Variants in SEZ6L observed in about 807,000 individuals in gnomAD.
The protein encoded by SEZ6L is seizure 6-like protein.
Under a neutral mutation model 106.2 loss-of-function variants are expected in SEZ6L, and 37 were observed. The observed-to-expected ratio is 0.35, with a 90% CI of 0.27 to 0.46. SEZ6L has a LOEUF of 0.46. SEZ6L is among the 20% of genes least tolerant of loss of function. The pLI is 1.00. For synonymous variants in SEZ6L, 541 were observed against 570.4 expected (o/e 0.95, Z 0.73); for missense variants, 1,172 against 1,332.8 (o/e 0.88, Z 1.88).
At chr22:26,348,658 G>GAAAGAA in intron 11 of SEZ6L, among the ~76,000 whole-genome samples, 1 of 42,882 alleles carries the variant, frequency 2.3e-5, no homozygotes, top group South Asian at 8.8e-4. Flanking sequence ...AAGAAAGAAA[G>GAAAGAA]AAAGAAAGAA....
intron 1 of SEZ6L, among the ~76,000 whole-genome samples, chr22:26,218,857 G>C (rs945418369): frequency 7.2e-5 from 11 of 152,070 alleles, no homozygotes; most frequent in African/African-American, 2.4e-4. Flanking sequence ...GAAATCGCTT[G>C]AACCCAGGAG....
At chr22:26,342,759 A>G (rs1341772304) in intron 10 of SEZ6L, among the ~76,000 whole-genome samples, 1 of 152,202 alleles carries the variant, frequency 6.6e-6, no homozygotes, top group Non-Finnish European at 1.5e-5. Context: ...AGTAATTATG[A>G]TTTTTGGAGT....
Position 26,347,721 on chromosome 22 carries a change from G to T in SEZ6L, c.2215G>T (p.Val739Leu). 6.2e-7 allele frequency: 1 copy of T among 1,600,298 alleles called. No individual in the cohort carries two copies. The highest frequency in any genetic ancestry group is 1.1e-5 in the South Asian group (1 of 88,620). ...GQGFIMNYIE[V>L]SRNDSCSDLP... Reference sequence around the variant, plus strand: ...AGACTGACGTTTCTCTTTTAAAGAGGTATCAAGGAATGACTCCTGCTCGGA... The same window carrying T: ...AGACTGACGTTTCTCTTTTAAAGAGTTATCAAGGAATGACTCCTGCTCGGA... Residue 739 changes from valine (V) to leucine (L), a missense_variant and splice_region_variant, in exon 11 of 17, where the codon GTA becomes TTA. Transcript: ENST00000248933.
intron 1 of SEZ6L, among the ~76,000 whole-genome samples, chr22:26,204,161 T>C (rs921794546): frequency 1.3e-5 from 2 of 152,248 alleles, no homozygotes; most frequent in Admixed American, 6.5e-5. Flanking sequence ...ATACTGCCAT[T>C]CAATACATAG....
chr22:26,323,050 A>G (rs1404598511), intron 9 of SEZ6L, among the ~76,000 whole-genome samples: 1 of 152,240 alleles, frequency 6.6e-6, no homozygotes, highest in Non-Finnish European at 1.5e-5. Flanking sequence ...GTGGGCAGGT[A>G]ACTTAGCAAG....
intron 9 of SEZ6L, among the ~76,000 whole-genome samples, chr22:26,332,734 C>T (rs147357796): frequency 6.6e-6 from 1 of 152,338 alleles, no homozygotes; most frequent in Non-Finnish European, 1.5e-5. Context: ...AAGCATGAAC[C>T]ATCATGCCCA....
intron 1 of SEZ6L, among the ~76,000 whole-genome samples, chr22:26,275,223 AAG>A (rs1351626875): frequency 6.6e-6 from 1 of 152,178 alleles, no homozygotes; most frequent in Admixed American, 6.5e-5. Flanking sequence ...AACGTTGCAA[AAG>A]AGATACGTAT....
rs368550565 is a variant in SEZ6L, at chr22:26,294,195, T to C, written c.836-97T>C. 3.6e-5 allele frequency: 43 copies of C among 1,198,322 alleles called. 2 individuals are homozygous for C. The highest frequency in any genetic ancestry group is 3.5e-4 in the African/African-American group (23 of 66,332). The allele number at this position is 1,198,322 out of a possible 1,614,324, so 74.2% of individuals were successfully genotyped here. ...AGAAGGACAGATGGGAACAGCAAAA[T>C]GCAGGTTCCCCTAAAGCCCCCATTC... On this transcript the variant is annotated intron_variant, in intron 2 of 16. Transcript: ENST00000248933.
chr22:26,195,739 A>G (rs958135786), intron 1 of SEZ6L, among the ~76,000 whole-genome samples: 2 of 151,618 alleles, frequency 1.3e-5, no homozygotes, highest in South Asian at 2.1e-4. Flanking sequence ...ATGTGTATGT[A>G]TGTGTGTGTG....
chr22:26,187,313 T>G (rs541953364), intron 1 of SEZ6L, among the ~76,000 whole-genome samples: 1 of 152,288 alleles, frequency 6.6e-6, no homozygotes, highest in East Asian at 1.9e-4. Context: ...GAGAACAGCA[T>G]GGGGGAACCA....
intron 1 of SEZ6L, among the ~76,000 whole-genome samples, chr22:26,205,078 A>AT (rs1231694250): frequency 3.1e-4 from 47 of 152,150 alleles, no homozygotes; most frequent in Admixed American, 3.1e-3. Flanking sequence ...ATTCCTTTCC[A>AT]TTGGTATAAC....
chr22:26,245,413 C>A (rs546895590), intron 1 of SEZ6L, among the ~76,000 whole-genome samples: 2 of 152,218 alleles, frequency 1.3e-5, no homozygotes, highest in Admixed American at 6.5e-5. Flanking sequence ...TCCCTTGAAC[C>A]TGTTCTGCAG....
chr22:26,322,268 G>T (rs139140679), intron 9 of SEZ6L, among the ~76,000 whole-genome samples: 2 of 152,276 alleles, frequency 1.3e-5, no homozygotes, highest in African/African-American at 4.8e-5. Context: ...GAGAGGTTAC[G>T]TGGTTTCCTC....
At chr22:26,316,199 A>C (rs925778486) in intron 9 of SEZ6L, among the ~76,000 whole-genome samples, 1 of 152,156 alleles carries the variant, frequency 6.6e-6, no homozygotes, top group Non-Finnish European at 1.5e-5. Flanking sequence ...ACCAAGCACA[A>C]TTTTATGTGC....
At chr22:26,175,785 G>A (rs943624802) in intron 1 of SEZ6L, among the ~76,000 whole-genome samples, 31 of 152,122 alleles carry the variant, frequency 2.0e-4, no homozygotes, top group Admixed American at 1.3e-3. Flanking sequence ...CTAAATTCAG[G>A]ACCTAACCTA....
At chr22:26,294,526 C>A in intron 3 of SEZ6L, 101 bp downstream of exon 3, 1 of 1,268,528 alleles carries the variant, frequency 7.9e-7, no homozygotes, top group Non-Finnish European at 1.1e-6. Flanking sequence ...TAGTTTGGTT[C>A]TGTCTTTGCC....
In SEZ6L at chr22:26,306,001, C is replaced by A. The variant is rs1392666013; in HGVS notation, c.1371C>A (p.His457Gln). The change falls in exon 6 of 17, where the codon CAC (histidine) becomes CAA (glutamine). Residue 457 changes from histidine (H) to glutamine (Q), a missense_variant. His to Gln is a conservative substitution (Grantham distance 24). Coordinates refer to ENST00000248933, the MANE Select transcript of SEZ6L (RefSeq NM_021115.5). Reference sequence around the variant, plus strand: ...CAGCTCCTTGTGGAGGGGCAGTGCACAATGCCACCATCGGCCGCGTCCTCT... The same window carrying A: ...CAGCTCCTTGTGGAGGGGCAGTGCAAAATGCCACCATCGGCCGCGTCCTCT... ...ICSAPCGGAV[H>Q]NATIGRVLSP... 2 of 1,613,176 alleles carry A rather than the reference C, an allele frequency of 1.2e-6. No individual in the cohort carries two copies. The highest frequency in any genetic ancestry group is 1.7e-5 in the Admixed American group (1 of 59,990).
chr22:26,348,325 A>G (rs1260447319), intron 11 of SEZ6L, among the ~76,000 whole-genome samples: 1 of 151,740 alleles, frequency 6.6e-6, no homozygotes, highest in African/African-American at 2.4e-5. Context: ...GTGAGACCCT[A>G]TCTCTAAAAA....
At chr22:26,348,666 G>GAA (rs372995660) in intron 11 of SEZ6L, among the ~76,000 whole-genome samples, 2 of 61,890 alleles carry the variant, frequency 3.2e-5, no homozygotes, top group Non-Finnish European at 6.0e-5. Flanking sequence ...AAGAAAGAAA[G>GAA]AAAGAAAGAA....
Sources: allele counts gnomAD v4.1 joint callset (sites outside exome capture counted in the v4.1 genomes callset), GRCh38; gene constraint gnomAD v4.1.1; transcripts MANE v1.5; gene names NCBI Gene and HGNC (gene_info 2026-07-23, HGNC 2026-07-21).